NTRK3: variants seen among roughly 807,000 people sequenced by gnomAD.
NTRK3 encodes the protein neurotrophic receptor tyrosine kinase 3.
In NTRK3, 24 loss-of-function variants were observed where a neutral mutation model predicts 91.7. The observed-to-expected ratio is 0.26, with a 90% CI of 0.19 to 0.37. NTRK3 has a LOEUF of 0.37. NTRK3 is among the 10% of genes least tolerant of loss of function. The probability of loss-of-function intolerance (pLI) is 1.00; values close to 1 mark genes in which losing one functional copy is unlikely to be tolerated. For missense variants in NTRK3, 880 were observed against 1,068.9 expected, an observed-to-expected ratio of 0.82 and a Z score of 2.46; for synonymous variants, 483 against 404.0, an observed-to-expected ratio of 1.20 and a Z score of -2.34.
rs1238619513 is a variant in NTRK3 at position 88,234,754 on chromosome 15, C to T, written c.248+21152G>A. Among the ~76,000 whole-genome samples the T allele has an allele frequency of 6.6e-6, 1 of 152,176 alleles. No individual in the cohort carries two copies. Among genetic ancestry groups the T allele is most frequent in the African/African-American group, 2.4e-5 (1 of 41,428 alleles). ...ATCATCTCTTGTTTAAAAGGAAAAC[C>T]CTCTGGGACTTCCTATTTTGCTAGG... On this transcript the variant is annotated intron_variant, in intron 3 of 18. Transcript: ENST00000394480. The surrounding 1 kb of genome is among the most constrained non-coding windows in gnomAD (Gnocchi z 6.1).
intron 13 of NTRK3, among the ~76,000 whole-genome samples, chr15:88,111,989 C>G (rs1377097985): frequency 1.3e-5 from 2 of 151,294 alleles, no homozygotes; most frequent in African/African-American, 4.9e-5. Context: ...TCACTGCAAG[C>G]TCCGCCTCCA....
intron 5 of NTRK3, among the ~76,000 whole-genome samples, chr15:88,181,238 C>A (rs112290182): frequency 0.013 from 1,959 of 152,206 alleles, 18 homozygotes; most frequent in Non-Finnish European, 0.02. Flanking sequence ...CAATGGTATC[C>A]TTGGGTCCTC....
chr15:88,191,593 AGCACACACACGCATGAATGCACGTGT>A (rs892745946), intron 3 of NTRK3, among the ~76,000 whole-genome samples: 1 of 152,330 alleles, frequency 6.6e-6, no homozygotes, highest in South Asian at 2.1e-4. Flanking sequence ...TCAGCATTGG[AGCACACACACGCATGAATGCACGTGT>A]GCACACACAC....
intron 13 of NTRK3, among the ~76,000 whole-genome samples, chr15:88,124,700 T>C (rs993016138): frequency 6.6e-6 from 1 of 152,194 alleles, no homozygotes; most frequent in Non-Finnish European, 1.5e-5. Context: ...CGTCTCATCT[T>C]CTAGATCTAG....
exon 19 of NTRK3, chr15:87,871,457 C>T (rs1417289368): frequency 1.3e-5 from 3 of 230,404 alleles, no homozygotes; most frequent in African/African-American, 6.6e-5. Context: ...CTCTGTCTCA[C>T]CCCTCCTAGG....
At position 88,235,824 on chromosome 15, in the gene NTRK3, T is replaced by A. The variant is rs2051670549; in HGVS notation, c.248+20082A>T. Among the ~76,000 whole-genome samples, 1 of 152,154 alleles carries A rather than the reference T, an allele frequency of 6.6e-6. No homozygotes were observed. Among genetic ancestry groups the A allele is most frequent in the Admixed American group, 6.5e-5 (1 of 15,284 alleles). ...CCACAACAGGAACCCCCCTGGGGCT[T>A]TGAGTCAAACAGGATCCCAGCTCTG... is the stretch of plus-strand genomic sequence containing the variant. On this transcript the variant is annotated intron_variant, in intron 3 of 18. Transcript: ENST00000394480. This position sits in a 1 kb window ranked among gnomAD's most constrained non-coding sequence, Gnocchi z 5.2.
intron 14 of NTRK3, among the ~76,000 whole-genome samples, chr15:87,974,480 A>G (rs981069344): frequency 2.0e-5 from 3 of 151,838 alleles, no homozygotes; most frequent in African/African-American, 7.3e-5. Context: ...TGGGCAGCCT[A>G]ACCTGATATC....
At chr15:87,869,717 A>C in exon 19 of NTRK3, 2 of 199,434 alleles carry the variant, frequency 1.0e-5, no homozygotes, top group Non-Finnish European at 1.0e-5. Context: ...TCCACTACAA[A>C]TGGCAGAAAT....
At chr15:87,957,156 T>C (rs939393746) in intron 14 of NTRK3, among the ~76,000 whole-genome samples, 24 of 144,908 alleles carry the variant, frequency 1.7e-4, no homozygotes, top group African/African-American at 6.0e-4. Context: ...CTCAGTTTCC[T>C]TAGCTGTAAA....
intron 3 of NTRK3, among the ~76,000 whole-genome samples, chr15:88,228,417 C>G (rs569640872): frequency 6.6e-6 from 1 of 152,190 alleles, no homozygotes; most frequent in Non-Finnish European, 1.5e-5. Flanking sequence ...ACATGAGTCT[C>G]ATCCTATCAG....
At chr15:87,988,316 G>A (rs952355674) in intron 14 of NTRK3, among the ~76,000 whole-genome samples, 1 of 152,174 alleles carries the variant, frequency 6.6e-6, no homozygotes, top group African/African-American at 2.4e-5. Context: ...GATCATAGAA[G>A]GCTAAGAAGA....
chr15:88,103,210 A>G (rs1383693710), intron 13 of NTRK3, among the ~76,000 whole-genome samples: 1 of 152,176 alleles, frequency 6.6e-6, no homozygotes, highest in Admixed American at 6.5e-5. Flanking sequence ...ATTAGTACCC[A>G]CAATCAGTTG....
chr15:88,232,273 C>T (rs2051273489), intron 3 of NTRK3, among the ~76,000 whole-genome samples: 1 of 151,526 alleles, frequency 6.6e-6, no homozygotes, highest in African/African-American at 2.4e-5. Flanking sequence ...CCCCACCCCA[C>T]CCCACTGCAT....
In NTRK3 at chr15:87,892,129, T is replaced by C. The variant is rs143052743; in HGVS notation, c.2134-11701A>G. Among the ~76,000 whole-genome samples, 1,124 of 127,704 alleles carry C rather than the reference T, an allele frequency of 8.8e-3. 16 individuals carry two copies. Among genetic ancestry groups the C allele is most frequent in the African/African-American group, 0.032 (1,063 of 33,212 alleles). The allele number at this position is 127,704 out of a possible 152,430, so 83.8% of individuals were successfully genotyped here. A position where few individuals can be genotyped will look rare whatever the true frequency, so the allele number is the denominator to read the frequency against. On this transcript the variant is annotated intron_variant, in intron 17 of 18. Coordinates refer to ENST00000394480, the Ensembl canonical transcript of NTRK3. ...ACACACACACGCACGCACACACCAC[T>C]CTCCAAAAGGAAGGACAAACTTCTC...
chr15:87,931,448 T>A (rs2068791617), intron 16 of NTRK3, among the ~76,000 whole-genome samples: 1 of 152,226 alleles, frequency 6.6e-6, no homozygotes, highest in African/African-American at 2.4e-5. Context: ...GCAAAACTTG[T>A]CTAAGCATTA....
At chr15:87,950,491 G>A (rs112619467) in intron 14 of NTRK3, among the ~76,000 whole-genome samples, 1 of 152,204 alleles carries the variant, frequency 6.6e-6, no homozygotes, top group Non-Finnish European at 1.5e-5. Flanking sequence ...GACAGGAAGG[G>A]GACCTTGGGA....
chr15:88,076,198 T>C (rs1006570532), intron 13 of NTRK3, among the ~76,000 whole-genome samples: 2 of 152,210 alleles, frequency 1.3e-5, no homozygotes, highest in African/African-American at 4.8e-5. Context: ...ATGTTTTACA[T>C]GGTGGCAGGT....
intron 7 of NTRK3, 71 bp from the exon 8 acceptor site, chr15:88,136,680 G>A: frequency 6.5e-7 from 1 of 1,548,076 alleles, no homozygotes; most frequent in South Asian, 1.2e-5. Context: ...TGTCCATGGG[G>A]CTGATGGTGG....
chr15:87,868,271 T>G (rs1418208112), exon 19 of NTRK3: 1 of 229,284 alleles, frequency 4.4e-6, no homozygotes, highest in African/African-American at 2.2e-5. Context: ...TAAAACACAA[T>G]GCTGATAATT....
Sources: gnomAD v4.1 joint callset for allele counts (sites outside exome capture counted in the v4.1 genomes callset) on GRCh38, gnomAD v4.1.1 for gene constraint, Gnocchi (gnomAD v3.1) non-coding constraint, MANE v1.5 for transcripts, NCBI Gene and HGNC (gene_info 2026-07-23, HGNC 2026-07-21) for gene names.